Variants in ESCO2 observed in about 807,000 individuals in gnomAD.
ESCO2 encodes the protein establishment of sister chromatid cohesion N-acetyltransferase 2.
A neutral mutation model predicts 61.7 loss-of-function variants in ESCO2; 51 were observed. The observed-to-expected ratio is 0.83, with a 90% CI of 0.66 to 1.04. The LOEUF is 1.04. Among genes scored for constraint, ESCO2 ranks in the 50% least tolerant of loss-of-function variants. ESCO2 has a pLI of 0.00. For synonymous variants in ESCO2, 230 were observed against 238.2 expected (o/e 0.97, Z 0.32); for missense variants, 692 against 686.2 (o/e 1.01, Z -0.09).
downstream of ESCO2, among the ~76,000 whole-genome samples, chr8:27,807,737 G>A (rs982710545): frequency 4.6e-5 from 7 of 152,122 alleles, no homozygotes; most frequent in African/African-American, 1.4e-4. Flanking sequence ...TGGAAGGGAG[G>A]TACTATGGTC....
Position 27,803,323 on chromosome 8 carries a change from G to A in ESCO2, c.1691G>A (p.Gly564Asp). ...TCTTTTAGGAATTGCTTCATGTTTG[G>A]CTGTTTTCTCAGCACTGATGAAATA... Reference protein sequence around the residue: ...VDTLRNCFMFGCFLSTDEIAF... With the variant: ...VDTLRNCFMFDCFLSTDEIAF... The change falls in exon 11 of 11, where the codon GGC (glycine) becomes GAC (aspartate). Residue 564 changes from glycine to aspartate, a missense_variant. Coordinates refer to ENST00000305188, the MANE Select transcript of ESCO2 (RefSeq NM_001017420.3). 1 of 1,613,618 alleles carries A rather than the reference G, an allele frequency of 6.2e-7. No individual in the cohort carries two copies. Among genetic ancestry groups the A allele is most frequent in the Non-Finnish European group, 8.5e-7 (1 of 1,179,918 alleles).
chr8:27,814,182 G>C (rs180933223), downstream of ESCO2, among the ~76,000 whole-genome samples: 47 of 152,234 alleles, frequency 3.1e-4, no homozygotes, highest in Non-Finnish European at 5.7e-4. Context: ...AAACATCTGG[G>C]TCTTGAGTTT....
chr8:27,783,909 A>G (rs1804978918), intron 4 of ESCO2, 91 bp from the exon 5 acceptor site: 17 of 1,158,828 alleles, frequency 1.5e-5, no homozygotes, highest in Non-Finnish European at 1.8e-5. Context: ...GATCTTGAGT[A>G]TTATTTTGTC....
At chr8:27,786,362 A>G (rs1365543261) in intron 5 of ESCO2, among the ~76,000 whole-genome samples, 2 of 152,242 alleles carry the variant, frequency 1.3e-5, no homozygotes, top group Admixed American at 6.5e-5. Context: ...TGCTTGATTT[A>G]TCACAGGTTC....
At chr8:27,774,738 G>A (rs1804746757) in intron 1 of ESCO2, 131 bp downstream of exon 1, 1 of 152,292 alleles carries the variant, frequency 6.6e-6, no homozygotes, top group South Asian at 2.1e-4. Context: ...GCAGGCCCGA[G>A]ACCGAAGAAG....
rs1209644959 is a variant in ESCO2, at chr8:27,804,470, A to C, written c.*1032A>C. 2.0e-6 allele frequency: 2 copies of C among 985,306 alleles called. No homozygotes were observed. The highest frequency in any genetic ancestry group is 1.2e-4 in the Admixed American group (2 of 16,272). 61.0% of individuals were successfully genotyped at this position (985,306 alleles called of 1,614,324 possible). A position where few individuals can be genotyped will look rare whatever the true frequency, so the allele number is the denominator to read the frequency against. ...GTATGGTAATAGAACCAAGGTTAGT[A>C]AATATACATAGGCTGGTGGATGAGA... is the stretch of plus-strand genomic sequence containing the variant. On this transcript the variant is annotated 3_prime_UTR_variant, in exon 11 of 11. Transcript: ENST00000305188.
rs556131901 is a variant in ESCO2 at position 27,792,011 on chromosome 8, G to T, written c.1312G>T (p.Val438Leu). 6.2e-7 allele frequency: 1 copy of T among 1,614,008 alleles called. No homozygotes were observed. The highest frequency in any genetic ancestry group is 8.5e-7 in the Non-Finnish European group (1 of 1,179,984). ...AGCAGAGTTTTGGGATGGGAAAATC[G>T]TGTTGGTTCTGCCACATGATCCAAG... Reference protein sequence around the residue: ...VVAEFWDGKIVLVLPHDPSFA... With the variant: ...VVAEFWDGKILLVLPHDPSFA... The change falls in exon 8 of 11, where the codon GTG (valine) becomes TTG (leucine). Residue 438 changes from valine to leucine, a missense_variant. By Grantham distance (32) the Val-to-Leu change is conservative. Coordinates refer to ENST00000305188, the MANE Select transcript of ESCO2 (RefSeq NM_001017420.3).
chr8:27,800,240 A>G (rs1174419355), intron 10 of ESCO2, among the ~76,000 whole-genome samples: 2 of 152,246 alleles, frequency 1.3e-5, no homozygotes, highest in Non-Finnish European at 2.9e-5. Context: ...GTTGCAAATC[A>G]TTTGTCTAAG....
downstream of ESCO2, among the ~76,000 whole-genome samples, chr8:27,813,912 TTTC>T (rs933870562): frequency 2.7e-5 from 4 of 149,998 alleles, no homozygotes; most frequent in South Asian, 2.1e-4. Context: ...ATGATTTTTT[TTTC>T]TTATCAGTTT....
At chr8:27,805,358 T>C (rs1342708375), downstream of ESCO2, 3 of 152,024 alleles carry the variant, frequency 2.0e-5, no homozygotes, top group Non-Finnish European at 4.4e-5. Flanking sequence ...TTAGTGCTTA[T>C]TACTTTAGAA....
At chr8:27,810,735 A>G (rs909978154), downstream of ESCO2, among the ~76,000 whole-genome samples, 1 of 152,132 alleles carries the variant, frequency 6.6e-6, no homozygotes, top group African/African-American at 2.4e-5. Flanking sequence ...TTTCCAATCA[A>G]TCATTTTCTC....
chr8:27,772,810 C>T (rs1206297271), upstream of ESCO2, among the ~76,000 whole-genome samples: 4 of 152,074 alleles, frequency 2.6e-5, no homozygotes, highest in Admixed American at 2.0e-4. Flanking sequence ...GTCTGTGCTT[C>T]ACTTTCCTCA....
chr8:27,802,017 G>A (rs1253331569), intron 10 of ESCO2, among the ~76,000 whole-genome samples: 3 of 81,262 alleles, frequency 3.7e-5, no homozygotes, highest in Non-Finnish European at 6.8e-5. Context: ...TCAGCATTTA[G>A]TTTTCACGTC....
rs1585405071 is a variant in ESCO2 at position 27,794,124 on chromosome 8, T to C, written c.1497+1313T>C. On this transcript the variant is annotated intron_variant, in intron 9 of 10. Transcript: ENST00000305188. The stretch of plus-strand genomic sequence containing the variant: ...CACCTGTATATGTACCACATTTTCT[T>C]TATTCATTCATCCATTGATGGACAC... Among the ~76,000 whole-genome samples, 3 of 152,244 alleles carry C rather than the reference T, an allele frequency of 2.0e-5. No homozygotes were observed. The South Asian group carries it at 6.2e-4, about 31-fold the overall frequency.
downstream of ESCO2, among the ~76,000 whole-genome samples, chr8:27,816,411 CTGTCGCCCAGACTGGAGTACAG>C (rs1382538860): frequency 6.8e-6 from 1 of 146,510 alleles, no homozygotes. Context: ...TGGAATCTCG[CTGTCGCCCAGACTGGAGTACAG>C]TGGCTTGATC....
At chr8:27,808,684 C>CAAAAAAAAAAA (rs34162059), downstream of ESCO2, among the ~76,000 whole-genome samples, 1 of 106,590 alleles carries the variant, frequency 9.4e-6, no homozygotes, top group East Asian at 3.1e-4. Flanking sequence ...GACCCTGTCT[C>CAAAAAAAAAAA]AAAAAAAAAA....
chr8:27,788,635 A>T (rs371451481), intron 6 of ESCO2, among the ~76,000 whole-genome samples: 1 of 152,120 alleles, frequency 6.6e-6, no homozygotes, highest in South Asian at 2.1e-4. Flanking sequence ...CCGAGATTAC[A>T]GGCGTGAGCC....
chr8:27,775,664 CCTA>C (rs1378339037), intron 2 of ESCO2, 97 bp downstream of exon 2: 18 of 1,113,238 alleles, frequency 1.6e-5, no homozygotes, highest in Admixed American at 1.4e-4. Flanking sequence ...CTTCCACTAG[CCTA>C]CTCCTTGTGG....
intron 2 of ESCO2, among the ~76,000 whole-genome samples, chr8:27,776,113 A>T (rs1459122699): frequency 1.3e-5 from 2 of 152,238 alleles, no homozygotes; most frequent in African/African-American, 4.8e-5. Flanking sequence ...ACATACATGC[A>T]TATATGTCTA....
Sources: gnomAD v4.1 joint callset for allele counts (sites outside exome capture counted in the v4.1 genomes callset) on GRCh38, gnomAD v4.1.1 for gene constraint, MANE v1.5 for transcripts, NCBI Gene and HGNC (gene_info 2026-07-23, HGNC 2026-07-21) for gene names.